Variants in PALS1 observed in about 807,000 individuals in gnomAD.
The protein encoded by PALS1 is protein associated with LIN7 1, MAGUK p55 family member.
A neutral mutation model predicts 78.9 loss-of-function variants in PALS1; 31 were observed. The ratio of observed to expected loss-of-function variants is 0.39; its 90% CI spans 0.30 to 0.53. The LOEUF is 0.53. PALS1 is among the 20% of genes least tolerant of loss of function. The probability of loss-of-function intolerance (pLI) is 0.67; values close to 1 mark genes in which losing one functional copy is unlikely to be tolerated. For missense variants in PALS1, 704 were observed against 826.5 expected, an observed-to-expected ratio of 0.85 and a Z score of 1.82; for synonymous variants, 276 against 270.9, an observed-to-expected ratio of 1.02 and a Z score of -0.18.
intron 2 of PALS1, among the ~76,000 whole-genome samples, chr14:67,276,009 CTT>C (rs2084497329): frequency 6.6e-6 from 1 of 152,078 alleles, no homozygotes. Context: ...ATTCTTCTCT[CTT>C]TTCTTCATTA....
intron 1 of PALS1, among the ~76,000 whole-genome samples, chr14:67,268,533 C>G (rs2084365119): frequency 6.6e-6 from 1 of 152,206 alleles, no homozygotes; most frequent in Admixed American, 6.5e-5. Flanking sequence ...CATGAATTTT[C>G]CGGGGGAAAG....
At chr14:67,267,074 C>T (rs2084339832) in intron 1 of PALS1, among the ~76,000 whole-genome samples, 1 of 151,890 alleles carries the variant, frequency 6.6e-6, no homozygotes, top group Admixed American at 6.6e-5. Flanking sequence ...TGCCACTGCA[C>T]TCCAGCCTGT....
chr14:67,314,214 G>A (rs1258620854), intron 9 of PALS1, among the ~76,000 whole-genome samples: 1 of 150,838 alleles, frequency 6.6e-6, no homozygotes, highest in Non-Finnish European at 1.5e-5. Flanking sequence ...TGAAAAAAAA[G>A]ACTGAGAAAT....
chr14:67,304,219 T>C (rs1020134684), intron 8 of PALS1: 3 of 152,422 alleles, frequency 2.0e-5, no homozygotes. Context: ...TATATTGTTC[T>C]GTTAGACATT....
rs937506480 is a variant in PALS1 at position 67,335,559 on chromosome 14, G to A, written c.*2603G>A. ...AGACTAATCCAGATTTGCTTTCTAT[G>A]AAAATCTAATGTCTGGATTATCTTC... On this transcript the variant is annotated 3_prime_UTR_variant, in exon 15 of 15. Transcript: ENST00000261681. The A allele has an allele frequency of 6.6e-6, 1 of 152,624 alleles. No individual in the cohort carries two copies. The highest frequency in any genetic ancestry group is 1.5e-5 in the Non-Finnish European group (1 of 68,046). The allele number at this position is 152,624 out of a possible 1,614,324, so 9.5% of individuals were successfully genotyped here. A position where few individuals can be genotyped will look rare whatever the true frequency, so the allele number is the denominator to read the frequency against.
At chr14:67,330,166 T>C (rs1566586971) in intron 14 of PALS1, among the ~76,000 whole-genome samples, 1 of 149,506 alleles carries the variant, frequency 6.7e-6, no homozygotes, top group Non-Finnish European at 1.5e-5. Flanking sequence ...TTATTATTAT[T>C]ATTATCAAAA....
chr14:67,311,327 A>AAAAGCC (rs1566570600), intron 8 of PALS1, among the ~76,000 whole-genome samples: 1 of 152,006 alleles, frequency 6.6e-6, no homozygotes, highest in Admixed American at 6.6e-5. Flanking sequence ...AAAAAAAAAA[A>AAAAGCC]AAAGCCAAAG....
intron 3 of PALS1, among the ~76,000 whole-genome samples, chr14:67,291,359 C>T (rs1390948828): frequency 6.6e-6 from 1 of 152,032 alleles, no homozygotes; most frequent in Non-Finnish European, 1.5e-5. Flanking sequence ...TCCCGAGTAG[C>T]TGGGATTACA....
intron 1 of PALS1, among the ~76,000 whole-genome samples, chr14:67,245,967 ATTTG>A (rs2083981507): frequency 2.0e-5 from 3 of 151,582 alleles, no homozygotes; most frequent in South Asian, 4.1e-4. Flanking sequence ...TGTTTCACTT[ATTTG>A]TTTGTCCAGT....
At chr14:67,275,544 G>A (rs539435550) in intron 2 of PALS1, among the ~76,000 whole-genome samples, 22 of 152,246 alleles carry the variant, frequency 1.4e-4, no homozygotes, top group East Asian at 1.2e-3. Flanking sequence ...GAAGATTTTC[G>A]CATCGACATT....
chr14:67,256,040 T>C (rs983573503), intron 1 of PALS1, among the ~76,000 whole-genome samples: 6 of 152,244 alleles, frequency 3.9e-5, no homozygotes, highest in African/African-American at 1.4e-4. Flanking sequence ...ATTTGTTTGT[T>C]TTCAGAAAAG....
intron 3 of PALS1, among the ~76,000 whole-genome samples, chr14:67,290,640 T>C (rs1288643977): frequency 6.6e-6 from 1 of 151,936 alleles, no homozygotes; most frequent in Non-Finnish European, 1.5e-5. Context: ...TCAAGCAATC[T>C]GTTCACCTCA....
chr14:67,320,291 T>C lies in PALS1; in HGVS notation c.1431T>C (p.Asn477=), dbSNP rs1566577651. The C allele has an allele frequency of 6.2e-7, 1 of 1,613,706 alleles. No homozygotes were observed. Among genetic ancestry groups the C allele is most frequent in the East Asian group, 2.2e-5 (1 of 44,834 alleles). Residue 477 remains asparagine, a synonymous_variant, in exon 12 of 15, where the codon AAT becomes AAC. Coordinates refer to ENST00000261681, the MANE Select transcript of PALS1 (RefSeq NM_022474.4). Reference sequence around the variant, plus strand: ...TGTCACTTTATCATCAGCCAGCAAATAGGAAGAGACCTATCATCTTGATTG... The same window carrying C: ...TGTCACTTTATCATCAGCCAGCAAACAGGAAGAGACCTATCATCTTGATTG... The part of the protein sequence containing the change: ...EEMSLYHQPA[N]RKRPIILIGP...
intron 5 of PALS1, 78 bp from the exon 6 acceptor site, chr14:67,301,894 T>G: frequency 1.1e-5 from 15 of 1,423,760 alleles, no homozygotes; most frequent in Non-Finnish European, 1.4e-5. Context: ...GTCAGAATAC[T>G]ATGTACATAG....
Position 67,249,948 on chromosome 14 carries a change from A to G in PALS1, c.-237+8415A>G, listed in dbSNP as rs150459292. Among the ~76,000 whole-genome samples the G allele has an allele frequency of 5.9e-5, 9 of 152,276 alleles. No individual in the cohort carries two copies. The East Asian group carries it at 1.7e-3, about 29-fold the overall frequency. On this transcript the variant is annotated intron_variant, in intron 1 of 14. Transcript: ENST00000261681. ...TTGTACTTAGAGTATCCATATTTAG[A>G]TACTCATTTTTGTGTTATGTTTGAA... is the stretch of plus-strand genomic sequence containing the variant.
At chr14:67,329,620 T>A (rs2085412636) in intron 14 of PALS1, among the ~76,000 whole-genome samples, 1 of 152,134 alleles carries the variant, frequency 6.6e-6, no homozygotes, top group African/African-American at 2.4e-5. Context: ...GGGTTTGTCA[T>A]AAATAGCTCT....
intron 2 of PALS1, among the ~76,000 whole-genome samples, chr14:67,273,117 C>CT (rs57837325): frequency 8.4e-4 from 120 of 143,042 alleles, no homozygotes; most frequent in Middle Eastern, 7.1e-3. Context: ...ATATTTCTTT[C>CT]TTTTTTTTTT....
At chr14:67,286,600 A>G (rs2084691434) in intron 3 of PALS1, among the ~76,000 whole-genome samples, 1 of 152,106 alleles carries the variant, frequency 6.6e-6, no homozygotes, top group Non-Finnish European at 1.5e-5. Context: ...TCATGCCTAT[A>G]ATCCTAGCAC....
chr14:67,333,091 C>G lies in PALS1; in HGVS notation c.*135C>G. ...AAGCTGTAGATCTGTTCTTAGATCT[C>G]TTGAATTAGTGAGACGACAGTTCCC... On this transcript the variant is annotated 3_prime_UTR_variant, in exon 15 of 15. Coordinates refer to ENST00000261681, the MANE Select transcript of PALS1 (RefSeq NM_022474.4). 2.8e-6 allele frequency: 2 copies of G among 723,002 alleles called. No individual in the cohort carries two copies. Among genetic ancestry groups the G allele is most frequent in the Admixed American group, 3.1e-5 (1 of 32,644 alleles). 44.8% of individuals were successfully genotyped at this position (723,002 alleles called of 1,614,324 possible). A position where few individuals can be genotyped will look rare whatever the true frequency, so the allele number is the denominator to read the frequency against.
Sources: allele counts gnomAD v4.1 joint callset (sites outside exome capture counted in the v4.1 genomes callset), GRCh38; gene constraint gnomAD v4.1.1; transcripts MANE v1.5; gene names NCBI Gene and HGNC (gene_info 2026-07-23, HGNC 2026-07-21).